Variants in PRKN observed in about 807,000 individuals in gnomAD.
PRKN encodes the protein parkin RBR E3 ubiquitin protein ligase.
A neutral mutation model predicts 59.5 loss-of-function variants in PRKN; 56 were observed. The ratio of observed to expected loss-of-function variants is 0.94; its 90% CI spans 0.76 to 1.18. The LOEUF is 1.18. PRKN is among the 50% of genes most tolerant of loss of function. The pLI is 0.00. For missense variants in PRKN, 657 were observed against 596.4 expected (o/e 1.10, Z -1.06); for synonymous variants, 250 against 222.1 (o/e 1.13, Z -1.12).
At chr6:161,819,978 GA>G (rs1791952567) in intron 6 of PRKN, among the ~76,000 whole-genome samples, 1 of 152,086 alleles carries the variant, frequency 6.6e-6, no homozygotes, top group Admixed American at 6.5e-5. Flanking sequence ...AAGTAACACT[GA>G]AAAAATTATT....
chr6:162,188,183 C>T (rs950788932), intron 4 of PRKN, among the ~76,000 whole-genome samples: 1 of 152,174 alleles, frequency 6.6e-6, no homozygotes, highest in African/African-American at 2.4e-5. Flanking sequence ...AACTGTAAAT[C>T]CAATAAACCT....
chr6:161,600,402 C>A (rs1004431149), intron 7 of PRKN, among the ~76,000 whole-genome samples: 1 of 152,142 alleles, frequency 6.6e-6, no homozygotes, highest in African/African-American at 2.4e-5. Flanking sequence ...GTCAGTGATT[C>A]TGATGGTAAT....
intron 6 of PRKN, among the ~76,000 whole-genome samples, chr6:161,794,745 C>T (rs984989396): frequency 6.6e-6 from 1 of 152,118 alleles, no homozygotes; most frequent in Non-Finnish European, 1.5e-5. Flanking sequence ...AGTCCTTATT[C>T]CCCCCAAAAC....
intron 7 of PRKN, among the ~76,000 whole-genome samples, chr6:161,773,643 T>C (rs1789790091): frequency 6.6e-6 from 1 of 152,158 alleles, no homozygotes; most frequent in African/African-American, 2.4e-5. Flanking sequence ...AGTAATAAAT[T>C]TATAGCTAAA....
At chr6:161,750,301 T>C (rs915982866) in intron 7 of PRKN, among the ~76,000 whole-genome samples, 1 of 152,164 alleles carries the variant, frequency 6.6e-6, no homozygotes, top group Non-Finnish European at 1.5e-5. Context: ...AAAACACTTA[T>C]TCCCAAGGGA....
rs552892534 is a variant in PRKN, at chr6:162,030,537, C to A, written c.618+23554G>T. Among the ~76,000 whole-genome samples the A allele has an allele frequency of 5.9e-5, 9 of 152,316 alleles. No homozygotes were observed. The East Asian group carries it at 1.5e-3, about 26-fold the overall frequency. ...CTTTTTACCCTTGTACAGTTACAAG[C>A]CTTCCTCCAACCTTCATGGTTTAAG... On this transcript the variant is annotated intron_variant, in intron 5 of 11. Coordinates refer to ENST00000366898, the MANE Select transcript of PRKN (RefSeq NM_004562.3).
At chr6:161,647,321 A>G (rs1436163259) in intron 7 of PRKN, among the ~76,000 whole-genome samples, 2 of 152,260 alleles carry the variant, frequency 1.3e-5, no homozygotes, top group African/African-American at 4.8e-5. Flanking sequence ...GGCAGAGCAA[A>G]AACTGGTTAA....
chr6:162,200,356 T>C (rs770540913), intron 4 of PRKN, among the ~76,000 whole-genome samples: 6 of 152,116 alleles, frequency 3.9e-5, no homozygotes, highest in Non-Finnish European at 5.9e-5. Flanking sequence ...TGAGTATGTA[T>C]TGCAGGCTTT....
intron 9 of PRKN, among the ~76,000 whole-genome samples, chr6:161,500,228 T>A (rs539455): frequency 2.6e-5 from 4 of 151,924 alleles, no homozygotes; most frequent in African/African-American, 7.3e-5. Flanking sequence ...CCCTCTCCCC[T>A]ATACATGCAC....
At chr6:162,159,414 C>A (rs1013481419) in intron 4 of PRKN, among the ~76,000 whole-genome samples, 1 of 152,058 alleles carries the variant, frequency 6.6e-6, no homozygotes, top group Non-Finnish European at 1.5e-5. Flanking sequence ...GGGACAAGAC[C>A]TATAGACTGA....
intron 1 of PRKN, among the ~76,000 whole-genome samples, chr6:162,588,079 T>G (rs1781140117): frequency 1.3e-5 from 2 of 150,704 alleles, no homozygotes; most frequent in African/African-American, 2.4e-5. Context: ...GGCACTATCT[T>G]GGCTCACTGC....
chr6:161,965,446 T>G (rs1040705994), intron 6 of PRKN, among the ~76,000 whole-genome samples: 1 of 152,040 alleles, frequency 6.6e-6, no homozygotes, highest in African/African-American at 2.4e-5. Context: ...TGCTTCAGCT[T>G]TGGAAACTAA....
intron 6 of PRKN, among the ~76,000 whole-genome samples, chr6:161,931,924 A>G (rs1779182363): frequency 6.6e-6 from 1 of 152,206 alleles, no homozygotes; most frequent in Non-Finnish European, 1.5e-5. Context: ...AGGAGATTGT[A>G]GAGGAGAAGA....
chr6:161,925,766 T>C (rs917421390), intron 6 of PRKN, among the ~76,000 whole-genome samples: 1 of 152,144 alleles, frequency 6.6e-6, no homozygotes, highest in Non-Finnish European at 1.5e-5. Context: ...ATATGAATGA[T>C]GTTTAGGAGA....
chr6:162,331,373 G>A (rs997070008), intron 2 of PRKN, among the ~76,000 whole-genome samples: 1 of 152,114 alleles, frequency 6.6e-6, no homozygotes, highest in East Asian at 1.9e-4. Context: ...TCAGGTCTCA[G>A]AAAAGTACAC....
At chr6:161,411,813 CCACT>C (rs939778325) in intron 9 of PRKN, among the ~76,000 whole-genome samples, 11 of 150,600 alleles carry the variant, frequency 7.3e-5, no homozygotes, top group African/African-American at 2.4e-4. Context: ...ACTCATTCCT[CCACT>C]CATTCATTCC....
chr6:161,373,792 C>A lies in PRKN; in HGVS notation c.1167+13002G>T, dbSNP rs931898871. Among the ~76,000 whole-genome samples, 1 of 152,038 alleles carries A rather than the reference C, an allele frequency of 6.6e-6. No individual in the cohort carries two copies. The highest frequency in any genetic ancestry group is 1.5e-5 in the Non-Finnish European group (1 of 68,016). On this transcript the variant is annotated intron_variant, in intron 10 of 11. Coordinates refer to ENST00000366898, the MANE Select transcript of PRKN (RefSeq NM_004562.3). The surrounding 1 kb of genome is among the most constrained non-coding windows in gnomAD (Gnocchi z 4.8). The stretch of plus-strand genomic sequence containing the variant: ...TTTCTGTGGAGTGACAATATTTTGT[C>A]CCCCCTGCCAGCCCCGTTTTTAATG...
chr6:161,681,896 C>T (rs957784178), intron 7 of PRKN, among the ~76,000 whole-genome samples: 5 of 152,236 alleles, frequency 3.3e-5, no homozygotes, highest in African/African-American at 4.8e-5. Context: ...GTGCAGAGGA[C>T]GTCTGCAATG....
rs11353881 is a variant in PRKN at position 162,707,576 on chromosome 6, ATT to A, written c.7+20084_7+20085del. Among the ~76,000 whole-genome samples, 248 of 140,556 alleles carry A rather than the reference ATT, an allele frequency of 1.8e-3. 1 individual carries two copies. The highest frequency in any genetic ancestry group is 3.5e-3 in the Admixed American group (49 of 14,156). The allele number at this position is 140,556 out of a possible 152,430, so 92.2% of individuals were successfully genotyped here. Reference sequence around the variant, plus strand: ...GTCACATTAGAGAAACAGCATCACTATTTTTTTTTTTTTTTTCCGAGACACAG... The same window carrying A: ...GTCACATTAGAGAAACAGCATCACTATTTTTTTTTTTTTTCCGAGACACAG... On this transcript the variant is annotated intron_variant, in intron 1 of 11. Coordinates refer to ENST00000366898, the MANE Select transcript of PRKN (RefSeq NM_004562.3).
Sources: allele counts gnomAD v4.1 joint callset (sites outside exome capture counted in the v4.1 genomes callset), GRCh38; gene constraint gnomAD v4.1.1; non-coding constraint Gnocchi (gnomAD v3.1); transcripts MANE v1.5; gene names NCBI Gene and HGNC (gene_info 2026-07-23, HGNC 2026-07-21).